CD99L2: variants seen among roughly 807,000 people sequenced by gnomAD.
The protein encoded by CD99L2 is CD99 molecule like 2, also known as CD99 antigen-like protein 2.
In CD99L2, 24 loss-of-function variants were observed where a neutral mutation model predicts 27.3. The observed-to-expected ratio is 0.88, with a 90% CI of 0.64 to 1.24. CD99L2 has a LOEUF of 1.24. CD99L2 is among the 50% of genes most tolerant of loss of function. The pLI is 0.00. For missense variants in CD99L2, 255 were observed against 221.6 expected (o/e 1.15, Z -0.96); for synonymous variants, 97 against 87.9 (o/e 1.10, Z -0.58).
chrX:150,773,477 G>T (rs1382034192), intron 9 of CD99L2, among the ~76,000 whole-genome samples: 1 of 112,696 alleles, frequency 8.9e-6, no homozygotes, highest in Non-Finnish European at 1.9e-5. Context: ...CTTTGGCCTG[G>T]CCATCTCACC....
chrX:150,782,339 T>C (rs2045527262), intron 7 of CD99L2, among the ~76,000 whole-genome samples: 1 of 111,905 alleles, frequency 8.9e-6, no homozygotes, highest in South Asian at 3.7e-4. Context: ...CATGGCTGCC[T>C]ATGCTAGCCA....
intron 4 of CD99L2, among the ~76,000 whole-genome samples, chrX:150,802,730 T>A (rs1277820324): frequency 9.7e-6 from 1 of 102,809 alleles, no homozygotes; most frequent in Non-Finnish European, 2.0e-5. Context: ...TACAGGCACC[T>A]GCCACCACGC....
chrX:150,770,117 G>T (rs1322449184), intron 10 of CD99L2, among the ~76,000 whole-genome samples, 187 bp downstream of exon 10: 4 of 112,925 alleles, frequency 3.5e-5, no homozygotes, highest in African/African-American at 1.3e-4. Flanking sequence ...GATGGCCCTG[G>T]CTGTCACCCC....
At position 150,777,598 on chromosome X, in the gene CD99L2, C is replaced by A. The variant is rs192372120; in HGVS notation, c.497-116G>T. ...TTCCAATCCCACCTATGCGACAAGA[C>A]CCCCACCAGTGGATCACCCGTAGGC... is the stretch of plus-strand genomic sequence containing the variant. On this transcript the variant is annotated intron_variant, in intron 7 of 10. Coordinates refer to ENST00000370377, the MANE Select transcript of CD99L2 (RefSeq NM_031462.4). The A allele has an allele frequency of 6.6e-5, 49 of 744,118 alleles. No homozygotes were observed. The Admixed American group carries it at 1.2e-3, about 18-fold the overall frequency. The allele number at this position is 744,118 out of a possible 1,213,427, so 61.3% of individuals were successfully genotyped here.
chrX:150,808,903 GA>G (rs2046034633), intron 4 of CD99L2, among the ~76,000 whole-genome samples: 1 of 111,132 alleles, frequency 9.0e-6, no homozygotes, highest in Admixed American at 9.6e-5. Context: ...AAAATCATAA[GA>G]GTCCTTATAA....
At chrX:150,894,089 T>A (rs1327016107) in intron 1 of CD99L2, among the ~76,000 whole-genome samples, 1 of 111,492 alleles carries the variant, frequency 9.0e-6, no homozygotes, top group Admixed American at 9.6e-5. Context: ...ATAAACTCTA[T>A]CTAGTTCCAG....
intron 7 of CD99L2, among the ~76,000 whole-genome samples, chrX:150,777,906 C>G (rs1557419326): frequency 8.9e-6 from 1 of 112,331 alleles, no homozygotes; most frequent in East Asian, 2.8e-4. Flanking sequence ...ACTGCCTCAA[C>G]TATAGCTGAA....
intron 4 of CD99L2, among the ~76,000 whole-genome samples, chrX:150,813,974 T>C (rs1214652317): frequency 8.9e-6 from 1 of 112,299 alleles, no homozygotes; most frequent in Non-Finnish European, 1.9e-5. Flanking sequence ...CAAAAACATC[T>C]TTTTCTACCA....
chrX:150,887,822 C>T (rs1180556423), intron 1 of CD99L2, among the ~76,000 whole-genome samples: 5 of 111,972 alleles, frequency 4.5e-5, no homozygotes, highest in African/African-American at 1.6e-4. Flanking sequence ...GAGGCACACA[C>T]GGAGCTAGGC....
intron 1 of CD99L2, among the ~76,000 whole-genome samples, chrX:150,841,693 A>G (rs1300148288): frequency 9.0e-6 from 1 of 111,559 alleles, no homozygotes; most frequent in Middle Eastern, 4.2e-3. Context: ...AAATATGTTA[A>G]GAGGAACATA....
intron 1 of CD99L2, among the ~76,000 whole-genome samples, chrX:150,859,389 C>T (rs1432947439): frequency 9.0e-6 from 1 of 110,913 alleles, no homozygotes; most frequent in East Asian, 2.9e-4. Context: ...ATCCCAACTA[C>T]TCGGGAGGCT....
chrX:150,793,979 A>G (rs1318906842), intron 6 of CD99L2, among the ~76,000 whole-genome samples: 1 of 111,324 alleles, frequency 9.0e-6, no homozygotes, highest in Non-Finnish European at 1.9e-5. Flanking sequence ...TAGGATGGCT[A>G]TATCACTCCC....
At chrX:150,774,624 C>T (rs1012716263) in intron 9 of CD99L2, among the ~76,000 whole-genome samples, 7 of 111,941 alleles carry the variant, frequency 6.3e-5, no homozygotes, top group Admixed American at 3.8e-4. Flanking sequence ...AATAAGAACA[C>T]GGTCAGAGAT....
At chrX:150,891,487 T>C (rs2047511250) in intron 1 of CD99L2, among the ~76,000 whole-genome samples, 1 of 111,848 alleles carries the variant, frequency 8.9e-6, no homozygotes, top group Non-Finnish European at 1.9e-5. Flanking sequence ...TCTACCTCCC[T>C]CTTCTGTATT....
chrX:150,771,283 G>A (rs962003915), intron 9 of CD99L2, among the ~76,000 whole-genome samples: 18 of 112,916 alleles, frequency 1.6e-4, no homozygotes, highest in South Asian at 3.6e-4. Flanking sequence ...TGCCCCGGTG[G>A]CTGCTGGGCT....
intron 4 of CD99L2, among the ~76,000 whole-genome samples, chrX:150,812,394 A>G (rs2046085250): frequency 8.9e-6 from 1 of 112,325 alleles, no homozygotes; most frequent in South Asian, 3.7e-4. Flanking sequence ...AAATGGACCA[A>G]AAACATGAAC....
In CD99L2 at chrX:150,852,683, G is replaced by A. The variant is rs901624460; in HGVS notation, c.68-21390C>T. On this transcript the variant is annotated intron_variant, in intron 1 of 10. Coordinates refer to ENST00000370377, the MANE Select transcript of CD99L2 (RefSeq NM_031462.4). ...TGTCTCTATAGATTTGCCTGCTCTG[G>A]TCACCTCAGATGAATGGAATCATCC... is the stretch of plus-strand genomic sequence containing the variant. Among the ~76,000 whole-genome samples, 8 of 110,168 alleles carry A rather than the reference G, an allele frequency of 7.3e-5. No individual in the cohort carries two copies. The East Asian group carries it at 1.7e-3, about 24-fold the overall frequency.
chrX:150,801,304 T>A (rs1557420079), intron 4 of CD99L2, among the ~76,000 whole-genome samples: 1 of 111,027 alleles, frequency 9.0e-6, no homozygotes, highest in Non-Finnish European at 1.9e-5. Context: ...AGAAAAGAGG[T>A]TTAATTGACT....
intron 1 of CD99L2, among the ~76,000 whole-genome samples, chrX:150,893,515 G>A (rs908709640): frequency 1.8e-5 from 2 of 108,185 alleles, no homozygotes; most frequent in African/African-American, 6.7e-5. Flanking sequence ...CTGCTCTTAC[G>A]CCCCCCGAAC....
Sources: gnomAD v4.1 joint callset for allele counts (sites outside exome capture counted in the v4.1 genomes callset) on GRCh38, gnomAD v4.1.1 for gene constraint, MANE v1.5 for transcripts, NCBI Gene and HGNC (gene_info 2026-07-23, HGNC 2026-07-21) for gene names.